NSD1: variants seen among roughly 807,000 people sequenced by gnomAD.
NSD1 encodes the protein histone-lysine N-methyltransferase, H3 lysine-36 specific.
NSD1 carries 26 observed loss-of-function variants against 242.7 expected under a neutral mutation model. The observed-to-expected ratio is 0.11, with a 90% CI of 0.08 to 0.15. The LOEUF (loss-of-function observed/expected upper bound fraction) is 0.15. Among genes scored for constraint, NSD1 ranks in the 10% least tolerant of loss-of-function variants. NSD1 has a pLI of 1.00. For synonymous variants in NSD1, 1,106 were observed against 1,178.1 expected, an observed-to-expected ratio of 0.94 and a Z score of 1.25; for missense variants, 2,495 against 3,272.8, an observed-to-expected ratio of 0.76 and a Z score of 5.80.
In NSD1 at chr5:177,238,607, C is replaced by T. The variant is rs556039177; in HGVS notation, c.4192+100C>T. 8.4e-6 allele frequency: 11 copies of T among 1,303,576 alleles called. No homozygotes were observed. The South Asian group carries it at 1.3e-4, about 15-fold the overall frequency. The allele number at this position is 1,303,576 out of a possible 1,614,324, so 80.8% of individuals were successfully genotyped here. A position where few individuals can be genotyped will look rare whatever the true frequency, so the allele number is the denominator to read the frequency against. ...GTAAAGCCAACATTGTATCTATATA[C>T]AATAAACTACCCCCTTTTGTCCTGG... On this transcript the variant is annotated intron_variant, in intron 7 of 22. Transcript: ENST00000439151. The surrounding 1 kb of genome is among the most constrained non-coding windows in gnomAD (Gnocchi z 4.6).
rs35561443 is a variant in NSD1 at position 177,265,502 on chromosome 5, A to AG, written c.5147-2055dup. On this transcript the variant is annotated intron_variant, in intron 14 of 22. Transcript: ENST00000439151. ...GGGGGAGGGAGGGAGAGAGAGAGGA[A>AG]GGGGGAGCCCCACAACCGTCTAGGA... is the stretch of plus-strand genomic sequence containing the variant. 1.4e-4 allele frequency: 96 copies of AG among 667,350 alleles called. No individual in the cohort carries two copies. The African/African-American group carries it at 1.6e-3, about 11-fold the overall frequency. 41.3% of individuals were successfully genotyped at this position (667,350 alleles called of 1,614,324 possible).
At position 177,248,189 on chromosome 5, in the gene NSD1, A is replaced by G; in HGVS notation, c.4506A>G (p.Leu1502=). The G allele has an allele frequency of 1.2e-6, 2 of 1,614,136 alleles. No homozygotes were observed. The highest frequency in any genetic ancestry group is 1.7e-6 in the Non-Finnish European group (2 of 1,180,034). Residue 1502 remains leucine (L), a synonymous_variant, in exon 11 of 23, where the codon CTA becomes CTG. Coordinates refer to ENST00000439151, the MANE Select transcript of NSD1 (RefSeq NM_022455.5). The part of the protein sequence containing the change: ...SKEIPGSEGE[L]MPHRTATSPK... Reference sequence around the variant, plus strand: ...TATTTTTTCTTTGCAAGGGAGAACTAATGCCTCACAGGACGGCCACAAGCC... The same window carrying G: ...TATTTTTTCTTTGCAAGGGAGAACTGATGCCTCACAGGACGGCCACAAGCC...
At chr5:177,257,963 C>A (rs1248976727) in intron 13 of NSD1, among the ~76,000 whole-genome samples, 1 of 146,476 alleles carries the variant, frequency 6.8e-6, no homozygotes, top group African/African-American at 2.5e-5. Flanking sequence ...CACGCGTGGC[C>A]CCCCTGGGCC....
At chr5:177,145,309 C>G (rs1469925630) in intron 2 of NSD1, among the ~76,000 whole-genome samples, 6 of 141,364 alleles carry the variant, frequency 4.2e-5, no homozygotes, top group Non-Finnish European at 6.1e-5. Context: ...GACAGTGTCT[C>G]GCTCTGTTGC....
At chr5:177,159,011 T>TATATATGAATGAG (rs1554173349) in intron 2 of NSD1, among the ~76,000 whole-genome samples, 1 of 132,118 alleles carries the variant, frequency 7.6e-6, no homozygotes, top group African/African-American at 2.9e-5. Context: ...TATATATATA[T>TATATATGAATGAG]ATATATATAT....
intron 16 of NSD1, among the ~76,000 whole-genome samples, chr5:177,271,980 T>C (rs1757977710): frequency 6.6e-6 from 1 of 151,872 alleles, no homozygotes; most frequent in Non-Finnish European, 1.5e-5. Context: ...AAAAATTAGC[T>C]GGGCATGGTG....
chr5:177,188,756 T>C (rs1007093853), intron 2 of NSD1, among the ~76,000 whole-genome samples: 1 of 152,098 alleles, frequency 6.6e-6, no homozygotes, highest in Admixed American at 6.6e-5. Context: ...CGCCTCCTTA[T>C]GCACCAGGAC....
At chr5:177,222,539 G>A (rs1291110358) in intron 5 of NSD1, among the ~76,000 whole-genome samples, 1 of 152,176 alleles carries the variant, frequency 6.6e-6, no homozygotes, top group Non-Finnish European at 1.5e-5. Flanking sequence ...CCTTTTGGGT[G>A]TGGAGCAGTG....
chr5:177,150,225 C>G (rs770301003), intron 2 of NSD1, among the ~76,000 whole-genome samples: 35 of 152,088 alleles, frequency 2.3e-4, no homozygotes, highest in Non-Finnish European at 4.1e-4. Context: ...CCTCCGCCTC[C>G]CGAGCTCAAG....
chr5:177,193,436 C>T lies in NSD1; in HGVS notation c.1063+1417C>T, dbSNP rs560050390. Among the ~76,000 whole-genome samples, 9 of 152,062 alleles carry T rather than the reference C, an allele frequency of 5.9e-5. No individual in the cohort carries two copies. The South Asian group carries it at 6.2e-4, about 11-fold the overall frequency. On this transcript the variant is annotated intron_variant, in intron 3 of 22. Transcript: ENST00000439151. The stretch of plus-strand genomic sequence containing the variant: ...GGATTACAAGCGTGAGCCACCGTGC[C>T]GGGCCAATTTTTGTATTTTTAGTAG...
At position 177,209,639 on chromosome 5, in the gene NSD1, C is replaced by T. The variant is rs1420606381; in HGVS notation, c.1240C>T (p.Pro414Ser). The T allele has an allele frequency of 1.2e-6, 2 of 1,612,302 alleles. No homozygotes were observed. The highest frequency in any genetic ancestry group is 1.7e-6 in the Non-Finnish European group (2 of 1,178,656). The change falls in exon 5 of 23, where the codon CCT (proline) becomes TCT (serine). Residue 414 changes from proline to serine, a missense_variant. Coordinates refer to ENST00000439151, the MANE Select transcript of NSD1 (RefSeq NM_022455.5). The part of the protein sequence containing the change: ...QKEKGYRHKV[P>S]QKILSKWEAS... The stretch of plus-strand genomic sequence containing the variant: ...CTTTTTCTCCTTTAAATTTAAGGTT[C>T]CTCAGAAAATTTTGAGTAAATGGGA...
chr5:177,143,558 G>A (rs1191537497), intron 2 of NSD1, among the ~76,000 whole-genome samples: 1 of 151,946 alleles, frequency 6.6e-6, no homozygotes, highest in Admixed American at 6.6e-5. Flanking sequence ...CTGACCTTAT[G>A]GTCCGCCTGC....
chr5:177,145,862 C>T lies in NSD1; in HGVS notation c.927+9832C>T, dbSNP rs181056187. ...GGCGGAGGTTGTAGTGAGCCAAGAT[C>T]GTGCCATTGCACTCCAGCCTGGGCT... On this transcript the variant is annotated intron_variant, in intron 2 of 22. Transcript: ENST00000439151. 3.6e-3 allele frequency among the ~76,000 whole-genome samples: 533 copies of T among 146,648 alleles called. 3 individuals are homozygous for T. Among genetic ancestry groups the T allele is most frequent in the African/African-American group, 0.011 (445 of 39,332 alleles).
At chr5:177,158,241 CTT>C (rs1215964072) in intron 2 of NSD1, among the ~76,000 whole-genome samples, 7 of 39,214 alleles carry the variant, frequency 1.8e-4, no homozygotes, top group Non-Finnish European at 2.5e-4. Flanking sequence ...GTTCTAATTT[CTT>C]TCTTTCTTTC....
rs532610512 is a variant in NSD1, at chr5:177,137,215, T to C, written c.927+1185T>C. ...AGTTCTTGATTGCTATAAGATTCCTTCAGCTTTAAATATTAATATTTGATA... is the reference window on the plus strand; with the variant it reads ...AGTTCTTGATTGCTATAAGATTCCTCCAGCTTTAAATATTAATATTTGATA... On this transcript the variant is annotated intron_variant, in intron 2 of 22. Transcript: ENST00000439151. 4 of 299,500 alleles carry C rather than the reference T, an allele frequency of 1.3e-5. No individual in the cohort carries two copies. The South Asian group carries it at 6.3e-4, about 47-fold the overall frequency. 18.6% of individuals were successfully genotyped at this position (299,500 alleles called of 1,614,324 possible). A position where few individuals can be genotyped will look rare whatever the true frequency, so the allele number is the denominator to read the frequency against.
Position 177,294,266 on chromosome 5 carries a change from G to A in NSD1, c.6898G>A (p.Ala2300Thr), listed in dbSNP as rs745572501. The A allele has an allele frequency of 1.2e-5, 19 of 1,613,376 alleles. No individual in the cohort carries two copies. The highest frequency in any genetic ancestry group is 1.7e-5 in the Admixed American group (1 of 59,980). Residue 2300 changes from alanine to threonine, a missense_variant, in exon 23 of 23, where the codon GCT becomes ACT. Physicochemically the swap from Ala to Thr is moderately conservative, Grantham distance 58. Around this residue, in one of 19 missense-constraint regions of NSD1, gnomAD observed 475 missense variants for 563.7 expected, o/e 0.84. Transcript: ENST00000439151. ...PQPLDKVRDL[A>T]GSGTKSQSLV... Reference sequence around the variant, plus strand: ...GCCTTTAGATAAGGTCAGAGACCTCGCTGGGTCAGGGACCAAATCCCAATC... The same window carrying A: ...GCCTTTAGATAAGGTCAGAGACCTCACTGGGTCAGGGACCAAATCCCAATC...
At chr5:177,236,052 T>A in intron 6 of NSD1, 107 bp downstream of exon 6, 10 of 1,279,116 alleles carry the variant, frequency 7.8e-6, no homozygotes, top group Non-Finnish European at 1.1e-5. Context: ...TTAACTGAGA[T>A]CTTGTTTTTT....
At chr5:177,133,371 T>C (rs1755998556), upstream of NSD1, among the ~76,000 whole-genome samples, 3 of 151,926 alleles carry the variant, frequency 2.0e-5, no homozygotes, top group South Asian at 6.2e-4. This position sits in a 1 kb window ranked among gnomAD's most constrained non-coding sequence, Gnocchi z 6.2. Context: ...GCGGGAGCCG[T>C]GTGCGGCCCG....
chr5:177,185,974 TTA>T (rs1285394423), intron 2 of NSD1, among the ~76,000 whole-genome samples: 2 of 96,432 alleles, frequency 2.1e-5, no homozygotes, highest in African/African-American at 4.3e-5. Flanking sequence ...TATAACTATA[TTA>T]TATATTATAT....
Sources: allele counts gnomAD v4.1 joint callset (sites outside exome capture counted in the v4.1 genomes callset), GRCh38; gene constraint gnomAD v4.1.1; regional missense constraint gnomAD v4.1.1; non-coding constraint Gnocchi (gnomAD v3.1); transcripts MANE v1.5; gene names NCBI Gene and HGNC (gene_info 2026-07-23, HGNC 2026-07-21).